SPESP1: variants seen among roughly 807,000 people sequenced by gnomAD.
SPESP1 encodes the protein equatorial segment protein.
A neutral mutation model predicts 3.1 loss-of-function variants in SPESP1; 1 was observed. That is an observed-to-expected ratio of 0.33 (90% CI 0.12 to 1.54). The LOEUF (loss-of-function observed/expected upper bound fraction) is 1.54, where lower values mean the gene tolerates loss of function less well. Ranked by LOEUF, SPESP1 falls within the 40% of genes most tolerant of loss-of-function variation. The pLI, the probability that SPESP1 is intolerant of heterozygous loss-of-function variation, is 0.38. For synonymous variants in SPESP1, 138 were observed against 150.7 expected (o/e 0.92, Z 0.62); for missense variants, 398 against 410.1 (o/e 0.97, Z 0.26).
At chr15:68,943,097 GTA>G (rs933528687) in intron 1 of SPESP1, among the ~76,000 whole-genome samples, 4 of 151,832 alleles carry the variant, frequency 2.6e-5, no homozygotes, top group South Asian at 4.2e-4. Context: ...GTGTGTGTGT[GTA>G]TGTGTGTGTG....
At chr15:68,940,779 C>G (rs1287481501) in intron 1 of SPESP1, among the ~76,000 whole-genome samples, 1 of 145,794 alleles carries the variant, frequency 6.9e-6, no homozygotes, top group Non-Finnish European at 1.5e-5. Context: ...TTTTGCAAGA[C>G]TACTTCATAG....
chr15:68,941,959 G>A (rs1269440378), intron 1 of SPESP1, among the ~76,000 whole-genome samples: 1 of 152,122 alleles, frequency 6.6e-6, no homozygotes, highest in Non-Finnish European at 1.5e-5. Flanking sequence ...CCACTAGCTG[G>A]GAATACAGGT....
At chr15:68,943,323 T>C (rs1361241755) in intron 1 of SPESP1, among the ~76,000 whole-genome samples, 2 of 152,210 alleles carry the variant, frequency 1.3e-5, no homozygotes, top group Non-Finnish European at 2.9e-5. Context: ...CTCTATGTTT[T>C]ATGCTTTCTT....
intron 1 of SPESP1, among the ~76,000 whole-genome samples, chr15:68,941,797 C>T (rs564981051): frequency 2.6e-5 from 4 of 152,232 alleles, no homozygotes; most frequent in Non-Finnish European, 4.4e-5. Flanking sequence ...CATTATTTAG[C>T]CTACTATAAC....
chr15:68,941,598 CTCTTCT>C (rs1189862791), intron 1 of SPESP1, among the ~76,000 whole-genome samples: 1 of 152,180 alleles, frequency 6.6e-6, no homozygotes, highest in Admixed American at 6.5e-5. Flanking sequence ...TTACCTCTTC[CTCTTCT>C]GGGTGTGTGT....
At chr15:68,935,813 C>A (rs1895667003) in intron 1 of SPESP1, among the ~76,000 whole-genome samples, 1 of 152,146 alleles carries the variant, frequency 6.6e-6, no homozygotes, top group Admixed American at 6.5e-5. Flanking sequence ...TTTAATATTT[C>A]CTTTTATGAC....
intron 1 of SPESP1, among the ~76,000 whole-genome samples, chr15:68,943,327 C>A (rs187657026): frequency 6.6e-6 from 1 of 152,018 alleles, no homozygotes; most frequent in South Asian, 2.1e-4. Context: ...ATGTTTTATG[C>A]TTTCTTTTTC....
chr15:68,934,771 T>G (rs903980759), intron 1 of SPESP1, among the ~76,000 whole-genome samples: 1 of 152,236 alleles, frequency 6.6e-6, no homozygotes, highest in Non-Finnish European at 1.5e-5. Context: ...ATTTTCTTTT[T>G]TTTTTAGTAT....
intron 1 of SPESP1, among the ~76,000 whole-genome samples, chr15:68,936,555 G>A (rs912956422): frequency 1.1e-4 from 16 of 152,168 alleles, no homozygotes; most frequent in African/African-American, 3.9e-4. Context: ...TCCAGGGTCT[G>A]GGGGATAAGG....
At position 68,945,980 on chromosome 15, in the gene SPESP1, C is replaced by A. The variant is rs766781881; in HGVS notation, c.446C>A (p.Pro149Gln). ...GAAAATGAAGAGCCAGAGCCAGAGC[C>A]GGAGCCAGCTGCAAAACAAACTGAG... ...YIENEEPEPE[P>Q]EPAAKQTEAP... Residue 149 changes from proline (P) to glutamine (Q), a missense_variant, in exon 2 of 2, where the codon CCG becomes CAG. Coordinates refer to ENST00000310673, the MANE Select transcript of SPESP1 (RefSeq NM_145658.4). The A allele has an allele frequency of 6.2e-7, 1 of 1,614,094 alleles. No homozygotes were observed. The highest frequency in any genetic ancestry group is 1.1e-5 in the South Asian group (1 of 91,054).
chr15:68,937,039 G>A (rs905213063), intron 1 of SPESP1, among the ~76,000 whole-genome samples: 10 of 152,128 alleles, frequency 6.6e-5, no homozygotes, highest in Admixed American at 6.5e-4. Context: ...AATTTTCTCT[G>A]TAATAATTAT....
Position 68,939,273 on chromosome 15 carries a change from G to A in SPESP1, c.65-6326G>A, listed in dbSNP as rs543782885. Among the ~76,000 whole-genome samples, 4 of 152,240 alleles carry A rather than the reference G, an allele frequency of 2.6e-5. No homozygotes were observed. In the South Asian group the frequency reaches 8.3e-4, roughly 32 times the overall value. ...GCCATGTTTGCTTTAATCACTTACT[G>A]GTAAAAATAGATGGGATATTATAAA... On this transcript the variant is annotated intron_variant, in intron 1 of 1. Transcript: ENST00000310673.
chr15:68,946,761 A>G lies in SPESP1; in HGVS notation c.*174A>G, dbSNP rs1895981563. ...TCTTTATGTGTCATGTGTTATGAAC[A>G]ATTTTCATATGCACTAAAAACCTAA... On this transcript the variant is annotated 3_prime_UTR_variant, in exon 2 of 2. Transcript: ENST00000310673. The G allele has an allele frequency of 2.5e-6, 2 of 805,862 alleles. No individual in the cohort carries two copies. Among genetic ancestry groups the G allele is most frequent in the East Asian group, 3.5e-5 (1 of 28,556 alleles). The allele number at this position is 805,862 out of a possible 1,614,324, so 49.9% of individuals were successfully genotyped here.
Position 68,930,536 on chromosome 15 carries a change from TC to T in SPESP1, c.-115del. 1.4e-6 allele frequency: 2 copies of T among 1,398,042 alleles called. No homozygotes were observed. The allele number at this position is 1,398,042 out of a possible 1,614,324, so 86.6% of individuals were successfully genotyped here. On this transcript the variant is annotated 5_prime_UTR_variant, in exon 1 of 2. Transcript: ENST00000310673. Reference sequence around the variant, plus strand: ...CGCTGGGGACAACCGTTGCTGGGTGTCCCAGGGCCTGAGGCAGGACGGTACT... The same window carrying T: ...CGCTGGGGACAACCGTTGCTGGGTGTCCAGGGCCTGAGGCAGGACGGTACT...
chr15:68,937,847 T>G (rs1895722625), intron 1 of SPESP1, among the ~76,000 whole-genome samples: 1 of 152,230 alleles, frequency 6.6e-6, no homozygotes, highest in Non-Finnish European at 1.5e-5. Flanking sequence ...ACAATGAATT[T>G]TAGCAAGTTT....
chr15:68,937,273 A>G (rs1421441186), intron 1 of SPESP1, among the ~76,000 whole-genome samples: 1 of 152,200 alleles, frequency 6.6e-6, no homozygotes, highest in Admixed American at 6.5e-5. Flanking sequence ...ACTGTCTAGT[A>G]TGGTTCTAGG....
intron 1 of SPESP1, among the ~76,000 whole-genome samples, chr15:68,942,340 G>A (rs553511346): frequency 3.5e-4 from 53 of 151,988 alleles, no homozygotes; most frequent in African/African-American, 1.1e-3. Context: ...GGATTCTTTT[G>A]TGTTATCTGT....
chr15:68,936,219 T>C (rs2140420187), intron 1 of SPESP1, among the ~76,000 whole-genome samples: 1 of 152,342 alleles, frequency 6.6e-6, no homozygotes, highest in Non-Finnish European at 1.5e-5. Context: ...TTCACTATCA[T>C]TGTAATAAAA....
At chr15:68,942,724 C>G (rs997622659) in intron 1 of SPESP1, among the ~76,000 whole-genome samples, 2 of 151,952 alleles carry the variant, frequency 1.3e-5, no homozygotes, top group African/African-American at 2.4e-5. Context: ...TTATTTGGTT[C>G]AGTGAGATAA....
Sources: allele counts gnomAD v4.1 joint callset (sites outside exome capture counted in the v4.1 genomes callset), GRCh38; gene constraint gnomAD v4.1.1; transcripts MANE v1.5; gene names NCBI Gene and HGNC (gene_info 2026-07-23, HGNC 2026-07-21).